The following FHAD1 variants were observed in gnomAD, a reference collection of about 807,000 sequenced individuals.
FHAD1 encodes forkhead associated phosphopeptide binding domain 1.
FHAD1 carries 146 observed loss-of-function variants against 191.3 expected under a neutral mutation model. That is an observed-to-expected ratio of 0.76 (90% CI 0.67 to 0.88). FHAD1 has a LOEUF of 0.88. Among genes scored for constraint, FHAD1 ranks in the 40% least tolerant of loss-of-function variants. The pLI, the probability that FHAD1 is intolerant of heterozygous loss-of-function variation, is 0.00. For missense variants in FHAD1, 1,635 were observed against 1,785.8 expected, an observed-to-expected ratio of 0.92 and a Z score of 1.52; for synonymous variants, 616 against 672.3, an observed-to-expected ratio of 0.92 and a Z score of 1.29.
chr1:15,395,514 G>A (rs917723046), intron 33 of FHAD1, among the ~76,000 whole-genome samples: 8 of 152,072 alleles, frequency 5.3e-5, no homozygotes, highest in African/African-American at 9.7e-5. Flanking sequence ...CCCAGGGAGC[G>A]AGTGGCATCT....
At position 15,365,481 on chromosome 1, in the gene FHAD1, A is replaced by ATTTTTTTTTTTTTTTTTT. The variant is rs71587751; in HGVS notation, c.3048-343_3048-326dup. Among the ~76,000 whole-genome samples, 49 of 112,748 alleles carry ATTTTTTTTTTTTTTTTTT rather than the reference A, an allele frequency of 4.3e-4. 4 individuals carry two copies. The highest frequency in any genetic ancestry group is 1.4e-3 in the African/African-American group (33 of 23,180). The allele number at this position is 112,748 out of a possible 152,430, so 74.0% of individuals were successfully genotyped here. ...AGCCACACACCACTATGCCTGGCTA[A>ATTTTTTTTTTTTTTTTTT]TTTTTTTTTTTTTTTTTTTTGTAGA... On this transcript the variant is annotated intron_variant, in intron 23 of 33. Coordinates refer to ENST00000688493, the MANE Select transcript of FHAD1 (RefSeq NM_001391957.1).
intron 28 of FHAD1, among the ~76,000 whole-genome samples, chr1:15,379,567 CG>C (rs767745937): frequency 3.0e-4 from 45 of 152,146 alleles, no homozygotes; most frequent in Non-Finnish European, 6.5e-4. Context: ...AGACCCTTTA[CG>C]GGTGTCTGGC....
chr1:15,329,045 A>C lies in FHAD1; in HGVS notation c.1711-301A>C. On this transcript the variant is annotated intron_variant, in intron 13 of 33. Coordinates refer to ENST00000688493, the MANE Select transcript of FHAD1 (RefSeq NM_001391957.1). This position sits in a 1 kb window ranked among gnomAD's most constrained non-coding sequence, Gnocchi z 5.0. ...GGCAGGAATTCTGACGAATGGAAAA[A>C]AGAAGTAGCCACATTTGCTTCTCAT... The C allele has an allele frequency of 4.5e-6, 1 of 223,100 alleles. No individual in the cohort carries two copies. The highest frequency in any genetic ancestry group is 8.7e-6 in the Non-Finnish European group (1 of 114,384). The allele number at this position is 223,100 out of a possible 1,614,324, so 13.8% of individuals were successfully genotyped here.
At chr1:15,315,132 A>G (rs1673934069) in intron 8 of FHAD1, 1 of 152,036 alleles carries the variant, frequency 6.6e-6, no homozygotes, top group African/African-American at 2.4e-5. Context: ...TGAACATCCG[A>G]ATGACTGTCT....
At chr1:15,261,285 C>T (rs1340555030) in intron 2 of FHAD1, among the ~76,000 whole-genome samples, 2 of 152,076 alleles carry the variant, frequency 1.3e-5, no homozygotes, top group Non-Finnish European at 2.9e-5. Context: ...TCACGTATGA[C>T]GGGCACAGAG....
Position 15,381,582 on chromosome 1 carries a change from C to A in FHAD1, c.4022+131C>A. On this transcript the variant is annotated intron_variant, in intron 30 of 33. Coordinates refer to ENST00000688493, the MANE Select transcript of FHAD1 (RefSeq NM_001391957.1). This position sits in a 1 kb window ranked among gnomAD's most constrained non-coding sequence, Gnocchi z 4.6. ...CCCACGTGTGGAATACCTGCAATGT[C>A]AGAAGGGGACCAGGGAGGGCACTGA... 1.5e-6 allele frequency: 1 copy of A among 686,086 alleles called. No homozygotes were observed. Among genetic ancestry groups the A allele is most frequent in the Non-Finnish European group, 2.5e-6 (1 of 402,818 alleles). 42.5% of individuals were successfully genotyped at this position (686,086 alleles called of 1,614,324 possible). A position where few individuals can be genotyped will look rare whatever the true frequency, so the allele number is the denominator to read the frequency against.
At chr1:15,387,912 A>G (rs780246513) in intron 31 of FHAD1, 139 bp from the exon 32 acceptor site, 98 of 390,110 alleles carry the variant, frequency 2.5e-4, no homozygotes, top group Non-Finnish European at 3.5e-5. Context: ...ACTCTCCCGC[A>G]GTGATCCCTT....
In FHAD1 at chr1:15,255,612, C is replaced by G. The variant is rs1343925500; in HGVS notation, c.93+3735C>G. ...TGGGGACACTCACACATGGTCCCTG[C>G]AATCAGGAAGCTGCTAGGAGACAGA... On this transcript the variant is annotated intron_variant, in intron 2 of 33. Transcript: ENST00000688493. Among the ~76,000 whole-genome samples, 9 of 152,178 alleles carry G rather than the reference C, an allele frequency of 5.9e-5. 1 individual carries two copies. The highest frequency in any genetic ancestry group is 1.5e-5 in the Non-Finnish European group (1 of 68,038).
chr1:15,396,397 A>G (rs1445966969), intron 33 of FHAD1, among the ~76,000 whole-genome samples: 1 of 152,078 alleles, frequency 6.6e-6, no homozygotes, highest in Admixed American at 6.6e-5. Flanking sequence ...CCAAAACCTC[A>G]CTAAAGCTCA....
Position 15,369,273 on chromosome 1 carries a change from C to G in FHAD1, c.3315-97C>G, listed in dbSNP as rs1315418606. The G allele has an allele frequency of 7.6e-6, 10 of 1,320,904 alleles. No individual in the cohort carries two copies. The East Asian group carries it at 2.0e-4, about 27-fold the overall frequency. 81.8% of individuals were successfully genotyped at this position (1,320,904 alleles called of 1,614,324 possible). A position where few individuals can be genotyped will look rare whatever the true frequency, so the allele number is the denominator to read the frequency against. On this transcript the variant is annotated intron_variant, in intron 25 of 33. Transcript: ENST00000688493. ...ACAAGTCTCAAAAGAATTCTGTTTC[C>G]TATAAAAATAGAGCTCCATGTCCTG...
chr1:15,383,903 G>A, intron 31 of FHAD1: 1 of 443,672 alleles, frequency 2.3e-6, no homozygotes, highest in South Asian at 1.6e-5. Flanking sequence ...CTCTGACCCT[G>A]GTTCTCCTGC....
intron 18 of FHAD1, among the ~76,000 whole-genome samples, chr1:15,347,852 C>T (rs984599099): frequency 1.3e-5 from 2 of 152,220 alleles, no homozygotes; most frequent in African/African-American, 4.8e-5. Flanking sequence ...CAAAGTTAAT[C>T]CCCATTATCT....
intron 31 of FHAD1, 29 bp downstream of exon 31, chr1:15,382,222 T>C: frequency 2.6e-6 from 4 of 1,545,554 alleles, no homozygotes; most frequent in Non-Finnish European, 3.5e-6. Context: ...GGGCAGAACC[T>C]CCCAGGCTGC....
At chr1:15,326,929 T>C in intron 11 of FHAD1, 130 bp from the exon 12 acceptor site, 1 of 613,110 alleles carries the variant, frequency 1.6e-6, no homozygotes, top group South Asian at 2.0e-5. Flanking sequence ...AAGATTCTGA[T>C]AACGCGGAAT....
chr1:15,332,160 C>T (rs764665156), intron 14 of FHAD1, among the ~76,000 whole-genome samples: 2 of 152,070 alleles, frequency 1.3e-5, no homozygotes, highest in South Asian at 4.1e-4. Flanking sequence ...TATGTAGGAA[C>T]CTTCCCCTCA....
chr1:15,317,337 G>A (rs1055910859), intron 9 of FHAD1, among the ~76,000 whole-genome samples: 2 of 152,138 alleles, frequency 1.3e-5, no homozygotes, highest in Non-Finnish European at 2.9e-5. Flanking sequence ...TTTTCCACTC[G>A]GGAAGTTCAG....
Position 15,340,693 on chromosome 1 carries a change from A to G in FHAD1, c.1978-1043A>G, listed in dbSNP as rs75407205. Among the ~76,000 whole-genome samples the G allele has an allele frequency of 2.8e-4, 42 of 152,204 alleles. No homozygotes were observed. In the East Asian group the frequency reaches 4.4e-3, roughly 16 times the overall value. The stretch of plus-strand genomic sequence containing the variant: ...TAGACATGGATAGAGTGGGGTAAAG[A>G]AGGGACCACCATGCCAATCAGCCAC... On this transcript the variant is annotated intron_variant, in intron 15 of 33. Coordinates refer to ENST00000688493, the MANE Select transcript of FHAD1 (RefSeq NM_001391957.1).
chr1:15,347,213 C>G (rs1006558491), intron 18 of FHAD1, among the ~76,000 whole-genome samples: 12 of 152,150 alleles, frequency 7.9e-5, no homozygotes, highest in African/African-American at 2.7e-4. Flanking sequence ...AGGAGGGTCT[C>G]CAAAGAGTTA....
intron 2 of FHAD1, among the ~76,000 whole-genome samples, chr1:15,269,028 T>C (rs1489649333): frequency 2.0e-5 from 3 of 152,280 alleles, no homozygotes; most frequent in South Asian, 2.1e-4. Flanking sequence ...TGGCCTCTCT[T>C]TCATGTCTGA....
Sources: gnomAD v4.1 joint callset for allele counts (sites outside exome capture counted in the v4.1 genomes callset) on GRCh38, gnomAD v4.1.1 for gene constraint, Gnocchi (gnomAD v3.1) non-coding constraint, MANE v1.5 for transcripts, NCBI Gene and HGNC (gene_info 2026-07-23, HGNC 2026-07-21) for gene names.